Variants in ZFHX3 observed in about 807,000 individuals in gnomAD.
ZFHX3 encodes the protein zinc finger homeobox protein 3.
A neutral mutation model predicts 279.1 loss-of-function variants in ZFHX3; 42 were observed. The ratio of observed to expected loss-of-function variants is 0.15; its 90% CI spans 0.12 to 0.19. ZFHX3 has a LOEUF of 0.19. Ranked by LOEUF, ZFHX3 falls within the 10% of genes least tolerant of loss-of-function variation. The pLI is 1.00. For synonymous variants in ZFHX3, 2,293 were observed against 1,957.8 expected (o/e 1.17, Z -4.52); for missense variants, 4,981 against 4,754.0 (o/e 1.05, Z -1.40).
At chr16:73,742,609 C>T (rs549999768) in intron 1 of ZFHX3, among the ~76,000 whole-genome samples, 2 of 152,288 alleles carry the variant, frequency 1.3e-5, no homozygotes, top group East Asian at 3.9e-4. Context: ...GGTTCATATC[C>T]ATTTAGAATG....
At position 73,029,464 on chromosome 16, in the gene ZFHX3, G is replaced by C. The variant is rs1057281043; in HGVS notation, c.-50+18288C>G. 3.3e-5 allele frequency among the ~76,000 whole-genome samples: 5 copies of C among 152,188 alleles called. No homozygotes were observed. In the East Asian group the frequency reaches 7.7e-4, roughly 23 times the overall value. On this transcript the variant is annotated intron_variant, in intron 1 of 9. Coordinates refer to ENST00000268489, the MANE Select transcript of ZFHX3 (RefSeq NM_006885.4). ...GAGAAAAGCTGAGACCTCAGGACTG[G>C]ATATTTTATTTAAAAACTTTTTGTG...
At chr16:73,707,088 A>G (rs1458938037) in intron 1 of ZFHX3, among the ~76,000 whole-genome samples, 1 of 152,216 alleles carries the variant, frequency 6.6e-6, no homozygotes, top group Non-Finnish European at 1.5e-5. Context: ...CTATGTCTTG[A>G]ATTCATCAAA....
At chr16:73,215,677 TC>T (rs2012179357) in intron 5 of ZFHX3, among the ~76,000 whole-genome samples, 2 of 152,266 alleles carry the variant, frequency 1.3e-5, no homozygotes, top group Admixed American at 6.5e-5. Context: ...TAGCTTGTCC[TC>T]CCCCCGATGC....
chr16:73,371,872 C>T (rs1440123640), intron 3 of ZFHX3, among the ~76,000 whole-genome samples: 3 of 152,228 alleles, frequency 2.0e-5, no homozygotes, highest in Non-Finnish European at 4.4e-5. Flanking sequence ...TTCAAGGTCT[C>T]GGCCCAGCCC....
chr16:72,856,024 C>T (rs13330786), intron 4 of ZFHX3, among the ~76,000 whole-genome samples: 4,909 of 152,306 alleles, frequency 0.032, 280 homozygotes, highest in African/African-American at 0.11. Context: ...TGTGTTTAGA[C>T]TGCAATTAGA....
Position 73,453,199 on chromosome 16 carries a change from C to A in ZFHX3, c.-1291+2804G>T, listed in dbSNP as rs76775783. ...ATTGAATTACTGGGTTGTCGGTTGG[C>A]CCTCTGGGCATGAAATCCAGTGTGA... On this transcript the variant is annotated intron_variant, in intron 3 of 17. Transcript: ENST00000641206. Among the ~76,000 whole-genome samples the A allele has an allele frequency of 7.1e-4, 108 of 152,342 alleles. 2 individuals carry two copies. In the East Asian group the frequency reaches 0.015, roughly 22 times the overall value.
At chr16:72,908,539 C>T (rs183485597) in intron 3 of ZFHX3, among the ~76,000 whole-genome samples, 1 of 152,312 alleles carries the variant, frequency 6.6e-6, no homozygotes, top group African/African-American at 2.4e-5. Context: ...ACTTGATCGT[C>T]CGTTCACTTA....
chr16:73,269,121 T>C (rs1473595194), intron 4 of ZFHX3, among the ~76,000 whole-genome samples: 6 of 152,224 alleles, frequency 3.9e-5, no homozygotes, highest in Non-Finnish European at 7.3e-5. Flanking sequence ...CCTAATTTGG[T>C]ATTGATCATT....
chr16:73,265,105 GTGTGTA>G (rs1375861702), intron 4 of ZFHX3, among the ~76,000 whole-genome samples: 186 of 151,792 alleles, frequency 1.2e-3, no homozygotes, highest in African/African-American at 4.2e-3. Flanking sequence ...GTGTGTGTGT[GTGTGTA>G]TATAACAGTT....
chr16:73,066,608 G>A (rs906098669), intron 8 of ZFHX3, among the ~76,000 whole-genome samples: 9 of 152,170 alleles, frequency 5.9e-5, no homozygotes, highest in African/African-American at 1.9e-4. Context: ...AAACAGGCCC[G>A]GGCGGAGCAA....
chr16:72,932,989 C>T (rs745524403), intron 3 of ZFHX3, among the ~76,000 whole-genome samples: 6 of 152,220 alleles, frequency 3.9e-5, no homozygotes, highest in Non-Finnish European at 8.8e-5. Context: ...TGACACCAGG[C>T]ATCTTCTCCC....
upstream of ZFHX3, among the ~76,000 whole-genome samples, chr16:73,052,771 TC>T (rs1386758999): frequency 1.3e-5 from 2 of 152,158 alleles, no homozygotes; most frequent in African/African-American, 4.8e-5. Flanking sequence ...CTTTTCTGTC[TC>T]CCCGGAGCAA....
chr16:73,556,961 G>C (rs1321684835), intron 2 of ZFHX3, among the ~76,000 whole-genome samples: 1 of 151,894 alleles, frequency 6.6e-6, no homozygotes, highest in Non-Finnish European at 1.5e-5. Flanking sequence ...TGGGCATGGT[G>C]GTGGGCGCCT....
intron 3 of ZFHX3, among the ~76,000 whole-genome samples, chr16:73,445,348 A>G (rs545754434): frequency 1.3e-5 from 2 of 151,548 alleles, no homozygotes; most frequent in African/African-American, 2.4e-5. Context: ...GAGAGCATCC[A>G]TGGTTTTCCC....
chr16:73,389,858 G>C (rs192427330), intron 3 of ZFHX3, among the ~76,000 whole-genome samples: 1 of 152,244 alleles, frequency 6.6e-6, no homozygotes, highest in East Asian at 1.9e-4. Context: ...TCAGGAGTTC[G>C]AGACCAGCCT....
intron 5 of ZFHX3, among the ~76,000 whole-genome samples, chr16:73,147,877 C>G (rs1966874218): frequency 6.6e-6 from 1 of 151,906 alleles, no homozygotes. Context: ...CTCCCAAAAA[C>G]AAAAATAAAA....
At chr16:73,475,869 A>G (rs917378225) in intron 2 of ZFHX3, among the ~76,000 whole-genome samples, 3 of 152,072 alleles carry the variant, frequency 2.0e-5, no homozygotes, top group Non-Finnish European at 4.4e-5. Context: ...TAAAGGGAAA[A>G]ACTCTTTAGA....
intron 2 of ZFHX3, among the ~76,000 whole-genome samples, chr16:73,577,196 TA>T (rs146361047): frequency 2.0e-5 from 3 of 152,116 alleles, no homozygotes; most frequent in Non-Finnish European, 4.4e-5. Context: ...TTCTTAATGA[TA>T]AAAAAATAAT....
chr16:73,659,846 T>C (rs118110753), intron 2 of ZFHX3, among the ~76,000 whole-genome samples: 2,072 of 152,316 alleles, frequency 0.014, 26 homozygotes, highest in Non-Finnish European at 0.023. Context: ...AGTGGGTCTG[T>C]TGAAGCTTAA....
Sources: allele counts gnomAD v4.1 joint callset (sites outside exome capture counted in the v4.1 genomes callset), GRCh38; gene constraint gnomAD v4.1.1; transcripts MANE v1.5; gene names NCBI Gene and HGNC (gene_info 2026-07-23, HGNC 2026-07-21).